Variants in SLC35B4 observed in about 807,000 individuals in gnomAD.
The protein encoded by SLC35B4 is nucleotide sugar transporter SLC35B4.
In SLC35B4, 28 loss-of-function variants were observed where a neutral mutation model predicts 39.5. The ratio of observed to expected loss-of-function variants is 0.71; its 90% CI spans 0.53 to 0.97. The LOEUF (loss-of-function observed/expected upper bound fraction) is 0.97, where lower values mean the gene tolerates loss of function less well. SLC35B4 is among the 50% of genes least tolerant of loss of function. The pLI, the probability that SLC35B4 is intolerant of heterozygous loss-of-function variation, is 0.00. For missense variants in SLC35B4, 334 were observed against 414.3 expected, an observed-to-expected ratio of 0.81 and a Z score of 1.68; for synonymous variants, 145 against 150.4, an observed-to-expected ratio of 0.96 and a Z score of 0.26.
rs780307735 is a variant in SLC35B4 at position 134,294,621 on chromosome 7, C to T, written c.*212G>A. On this transcript the variant is annotated 3_prime_UTR_variant, in exon 10 of 10. Coordinates refer to ENST00000378509, the MANE Select transcript of SLC35B4 (RefSeq NM_032826.5). ...GAATGGGCTGTTCAATAGTCCAGAA[C>T]TGTTCTTTTTTCTATTTTAGGGCTG... is the stretch of plus-strand genomic sequence containing the variant. The T allele has an allele frequency of 6.4e-5, 35 of 546,740 alleles. No individual in the cohort carries two copies. Among genetic ancestry groups the T allele is most frequent in the Non-Finnish European group, 1.1e-4 (34 of 308,156 alleles). 33.9% of individuals were successfully genotyped at this position (546,740 alleles called of 1,614,324 possible).
intron 1 of SLC35B4, among the ~76,000 whole-genome samples, chr7:134,311,312 C>A (rs1340164996): frequency 2.0e-5 from 3 of 152,156 alleles, no homozygotes; most frequent in Non-Finnish European, 1.5e-5. Context: ...TGGTTCCTAG[C>A]ACGGTGCTTT....
In SLC35B4 at chr7:134,313,123, T is replaced by C. The variant is rs564124373; in HGVS notation, c.77+3552A>G. 2.6e-5 allele frequency among the ~76,000 whole-genome samples: 4 copies of C among 152,352 alleles called. No homozygotes were observed. The South Asian group carries it at 8.3e-4, about 32-fold the overall frequency. ...AAACACACTGTTGTATAGCTACCAA[T>C]GGAATTATTTATTTTAACTTGAATA... is the stretch of plus-strand genomic sequence containing the variant. On this transcript the variant is annotated intron_variant, in intron 1 of 9. Transcript: ENST00000378509.
chr7:134,310,942 A>C (rs1456479584), intron 1 of SLC35B4, among the ~76,000 whole-genome samples: 3 of 152,220 alleles, frequency 2.0e-5, no homozygotes, highest in African/African-American at 7.2e-5. Context: ...CTTACCAGAA[A>C]TGACTCCATT....
chr7:134,307,013 T>G (rs1803725567), intron 2 of SLC35B4, among the ~76,000 whole-genome samples: 1 of 152,226 alleles, frequency 6.6e-6, no homozygotes, highest in South Asian at 2.1e-4. Flanking sequence ...TTAAAAATTT[T>G]CAAGTATACA....
At chr7:134,298,177 G>T (rs947531937) in intron 8 of SLC35B4, among the ~76,000 whole-genome samples, 13 of 152,152 alleles carry the variant, frequency 8.5e-5, no homozygotes, top group African/African-American at 3.1e-4. Flanking sequence ...TTGAAACTTA[G>T]TTCTGGATCA....
chr7:134,307,618 G>A (rs1803738972), intron 2 of SLC35B4, among the ~76,000 whole-genome samples: 1 of 152,206 alleles, frequency 6.6e-6, no homozygotes, highest in Admixed American at 6.5e-5. Flanking sequence ...AAAGAATGCA[G>A]GGCAAAAGCA....
At chr7:134,309,798 T>G (rs1413295208) in intron 1 of SLC35B4, among the ~76,000 whole-genome samples, 2 of 152,234 alleles carry the variant, frequency 1.3e-5, no homozygotes, top group Non-Finnish European at 2.9e-5. Flanking sequence ...ATGTTCTTAT[T>G]GGGATCTTTG....
At chr7:134,318,587 C>A (rs1288491704), upstream of SLC35B4, among the ~76,000 whole-genome samples, 1 of 152,092 alleles carries the variant, frequency 6.6e-6, no homozygotes, top group Non-Finnish European at 1.5e-5. Context: ...ATGATAATAT[C>A]TCCACCTCCA....
At chr7:134,300,063 A>G in intron 7 of SLC35B4, 89 bp downstream of exon 7, 1 of 957,786 alleles carries the variant, frequency 1.0e-6, no homozygotes, top group Non-Finnish European at 1.6e-6. Context: ...ATACACCTTC[A>G]ACTACATCAG....
chr7:134,296,323 G>C (rs980147839), intron 9 of SLC35B4, 68 bp downstream of exon 9: 1 of 1,337,528 alleles, frequency 7.5e-7, no homozygotes, highest in African/African-American at 1.4e-5. Context: ...TAGAAGAAAA[G>C]AATGACCATT....
intron 4 of SLC35B4, among the ~76,000 whole-genome samples, chr7:134,304,003 A>C (rs1385486992): frequency 6.6e-6 from 1 of 152,050 alleles, no homozygotes; most frequent in Non-Finnish European, 1.5e-5. Context: ...CCTTTTTAGG[A>C]ATTTCCTTTT....
intron 9 of SLC35B4, among the ~76,000 whole-genome samples, chr7:134,295,374 C>T (rs148967133): frequency 1.6e-3 from 249 of 152,128 alleles, no homozygotes; most frequent in African/African-American, 5.5e-3. Context: ...GTGACGCTCT[C>T]GGTAAGGGTG....
intron 1 of SLC35B4, among the ~76,000 whole-genome samples, chr7:134,315,653 C>A (rs1646708): frequency 0.49 from 70,239 of 143,622 alleles, 17,241 homozygotes; most frequent in African/African-American, 0.58. Flanking sequence ...AAAAAAAAAA[C>A]AAAAAACAAA....
At chr7:134,309,201 C>A (rs557072872) in intron 2 of SLC35B4, among the ~76,000 whole-genome samples, 165 bp downstream of exon 2, 1 of 152,256 alleles carries the variant, frequency 6.6e-6, no homozygotes, top group South Asian at 2.1e-4. Context: ...GAAGTAGGTA[C>A]CCCGGATTTT....
rs903467402 is a variant in SLC35B4 at position 134,294,659 on chromosome 7, T to G, written c.*174A>C. 5 of 682,070 alleles carry G rather than the reference T, an allele frequency of 7.3e-6. No homozygotes were observed. The highest frequency in any genetic ancestry group is 1.2e-5 in the Non-Finnish European group (5 of 416,276). The allele number at this position is 682,070 out of a possible 1,614,324, so 42.3% of individuals were successfully genotyped here. On this transcript the variant is annotated 3_prime_UTR_variant, in exon 10 of 10. Transcript: ENST00000378509. ...TATTTTAGGGCTGAGGGGTTTCTATTTAGTCTACATGTGTCAGTCTGAGCA... is the reference window on the plus strand; with the variant it reads ...TATTTTAGGGCTGAGGGGTTTCTATGTAGTCTACATGTGTCAGTCTGAGCA...
At chr7:134,296,067 G>GTT (rs963540266) in intron 9 of SLC35B4, among the ~76,000 whole-genome samples, 4 of 151,982 alleles carry the variant, frequency 2.6e-5, no homozygotes, top group South Asian at 2.1e-4. Flanking sequence ...GACCTCAAGT[G>GTT]ATCTGCCCGC....
intron 2 of SLC35B4, 100 bp downstream of exon 2, chr7:134,309,266 A>G (rs1038358589): frequency 1.6e-6 from 1 of 627,578 alleles, no homozygotes; most frequent in Admixed American, 3.6e-5. Context: ...TCTTTGAAAT[A>G]AATCTTATAA....
At chr7:134,305,170 A>G (rs1256231374) in intron 3 of SLC35B4, among the ~76,000 whole-genome samples, 1 of 152,132 alleles carries the variant, frequency 6.6e-6, no homozygotes, top group African/African-American at 2.4e-5. Flanking sequence ...AAAAAATACG[A>G]AACTTAGCTG....
chr7:134,306,626 C>G (rs758390315), intron 3 of SLC35B4, 46 bp downstream of exon 3: 9 of 1,504,482 alleles, frequency 6.0e-6, no homozygotes, highest in Admixed American at 5.2e-5. Context: ...ATCTACTTAA[C>G]TATACTTTTC....
Sources: allele counts gnomAD v4.1 joint callset (sites outside exome capture counted in the v4.1 genomes callset), GRCh38; gene constraint gnomAD v4.1.1; transcripts MANE v1.5; gene names NCBI Gene and HGNC (gene_info 2026-07-23, HGNC 2026-07-21).